The following ARHGAP6 variants were observed in gnomAD, a reference collection of about 807,000 sequenced individuals.
ARHGAP6 encodes rho GTPase-activating protein 6.
In ARHGAP6, 16 loss-of-function variants were observed where a neutral mutation model predicts 55.7. The ratio of observed to expected loss-of-function variants is 0.29; its 90% confidence interval spans 0.19 to 0.44. The LOEUF is 0.44. Among genes scored for constraint, ARHGAP6 ranks in the 20% least tolerant of loss-of-function variants. The probability of loss-of-function intolerance (pLI) is 1.00; values close to 1 mark genes in which losing one functional copy is unlikely to be tolerated. For missense variants in ARHGAP6, 698 were observed against 808.9 expected, an observed-to-expected ratio of 0.86 and a Z score of 1.66; for synonymous variants, 382 against 360.9, an observed-to-expected ratio of 1.06 and a Z score of -0.66.
intron 1 of ARHGAP6, among the ~76,000 whole-genome samples, chrX:11,395,103 A>G (rs146807990): frequency 9.8e-5 from 11 of 112,017 alleles, no homozygotes; most frequent in African/African-American, 3.2e-4. Flanking sequence ...TTTATTCTGT[A>G]ACAGAAGTCC....
intron 1 of ARHGAP6, among the ~76,000 whole-genome samples, chrX:11,291,059 T>C (rs1820204209): frequency 8.9e-6 from 1 of 112,082 alleles, no homozygotes. Flanking sequence ...GAATACCTAC[T>C]ACAAAAAAAT....
chrX:11,454,828 G>T (rs2050181000), intron 1 of ARHGAP6, among the ~76,000 whole-genome samples: 1 of 112,615 alleles, frequency 8.9e-6, no homozygotes, highest in African/African-American at 3.2e-5. Context: ...GACATGTATG[G>T]TGTAAAATAT....
At chrX:11,304,914 G>C (rs766014027) in intron 1 of ARHGAP6, among the ~76,000 whole-genome samples, 1 of 104,571 alleles carries the variant, frequency 9.6e-6, no homozygotes, top group African/African-American at 3.5e-5. Context: ...AGCCTCCTGA[G>C]TAGCTGGGAC....
chrX:11,362,272 T>A (rs942947510), intron 1 of ARHGAP6, among the ~76,000 whole-genome samples: 2 of 111,492 alleles, frequency 1.8e-5, no homozygotes, highest in African/African-American at 3.3e-5. Context: ...CCAACAAGGA[T>A]AGACTGGATT....
chrX:11,166,844 G>A (rs1394919965), intron 9 of ARHGAP6, among the ~76,000 whole-genome samples: 5 of 111,617 alleles, frequency 4.5e-5, no homozygotes, highest in South Asian at 3.8e-4. Context: ...GGGACAGGAC[G>A]ATAGTAAATT....
At chrX:11,187,187 C>CA (rs2067585362) in intron 4 of ARHGAP6, among the ~76,000 whole-genome samples, 1 of 111,511 alleles carries the variant, frequency 9.0e-6, no homozygotes, top group Non-Finnish European at 1.9e-5. Flanking sequence ...TAAGTACTTA[C>CA]AGCCTGCCAT....
At chrX:11,254,733 A>AG (rs1480257571) in intron 1 of ARHGAP6, 26 bp from the exon 2 acceptor site, 3 of 1,135,751 alleles carry the variant, frequency 2.6e-6, no homozygotes, top group Non-Finnish European at 3.5e-6. Context: ...AAAAAAAAAA[A>AG]AAAAATCAAG....
chrX:11,602,546 A>G (rs1327040612), intron 1 of ARHGAP6, among the ~76,000 whole-genome samples: 1 of 112,846 alleles, frequency 8.9e-6, no homozygotes, highest in East Asian at 2.8e-4. Flanking sequence ...TCAGGAAGAA[A>G]TAACTGATTG....
chrX:11,138,769 A>C lies in ARHGAP6; in HGVS notation c.*94T>G. The C allele has an allele frequency of 2.1e-6, 2 of 944,230 alleles. No individual in the cohort carries two copies. Among genetic ancestry groups the C allele is most frequent in the Non-Finnish European group, 2.9e-6 (2 of 695,137 alleles). The allele number at this position is 944,230 out of a possible 1,213,427, so 77.8% of individuals were successfully genotyped here. A position where few individuals can be genotyped will look rare whatever the true frequency, so the allele number is the denominator to read the frequency against. On this transcript the variant is annotated 3_prime_UTR_variant, in exon 13 of 13. Transcript: ENST00000337414. ...TGTCACTTTTGAGAAGTGTGAAAGA[A>C]GAACACTAAGTGTGCCAGTGGCCAC...
intron 2 of ARHGAP6, among the ~76,000 whole-genome samples, chrX:11,217,965 G>A (rs1380543474): frequency 1.8e-5 from 2 of 111,703 alleles, no homozygotes; most frequent in Admixed American, 9.5e-5. Flanking sequence ...TTTATTAAAT[G>A]GGGAATCTTT....
At chrX:11,190,467 A>ATTTT (rs1449750507) in intron 3 of ARHGAP6, among the ~76,000 whole-genome samples, 24 of 100,851 alleles carry the variant, frequency 2.4e-4, no homozygotes, top group African/African-American at 8.1e-4. Flanking sequence ...GGAGATATAT[A>ATTTT]TATATATATA....
In ARHGAP6 at chrX:11,144,155, G is replaced by A. The variant is rs779128746; in HGVS notation, c.2001C>T (p.Ser667=). 9 of 1,212,136 alleles carry A rather than the reference G, an allele frequency of 7.4e-6. No individual in the cohort carries two copies. The South Asian group carries it at 1.6e-4, about 21-fold the overall frequency. The change falls in exon 11 of 13, where the codon TCC becomes TCT. Residue 667 remains serine (S), a synonymous_variant. Coordinates refer to ENST00000337414, the MANE Select transcript of ARHGAP6 (RefSeq NM_013427.3). ...GCACTGGGGAGTTGTTGTCATAAGGGGAGATGTCTCCGCTGGAGGCCTTGT... is the reference window on the plus strand; with the variant it reads ...GCACTGGGGAGTTGTTGTCATAAGGAGAGATGTCTCCGCTGGAGGCCTTGT... ...DSNKASSGDI[S]PYDNNSPVLS...
At chrX:11,317,012 T>C (rs1394393864) in intron 1 of ARHGAP6, among the ~76,000 whole-genome samples, 1 of 112,586 alleles carries the variant, frequency 8.9e-6, no homozygotes, top group Admixed American at 9.4e-5. Context: ...AGCATGGACA[T>C]GCCACATGCA....
rs755077033 is a variant in ARHGAP6 at position 11,265,748 on chromosome X, G to A, written c.589-11041C>T. The A allele has an allele frequency of 2.7e-4, 253 of 921,355 alleles. No homozygotes were observed. The South Asian group carries it at 4.3e-3, about 16-fold the overall frequency. 75.9% of individuals were successfully genotyped at this position (921,355 alleles called of 1,213,427 possible). ...CTAATCTAACTGAACTAAGCTTGCA[G>A]TAGGAAGTTGAGTCTGTTTTAAAAA... On this transcript the variant is annotated intron_variant, in intron 1 of 12. Coordinates refer to ENST00000337414, the MANE Select transcript of ARHGAP6 (RefSeq NM_013427.3).
chrX:11,653,615 G>T (rs1014812045), intron 1 of ARHGAP6, among the ~76,000 whole-genome samples: 18 of 112,123 alleles, frequency 1.6e-4, no homozygotes, highest in Non-Finnish European at 3.4e-4. Flanking sequence ...TACTTCCTAC[G>T]TGCTGGGCAC....
intron 1 of ARHGAP6, among the ~76,000 whole-genome samples, chrX:11,619,692 G>A (rs755523244): frequency 8.9e-6 from 1 of 112,135 alleles, no homozygotes; most frequent in East Asian, 2.8e-4. Flanking sequence ...CAACAGATGA[G>A]CATATCAGCC....
At chrX:11,197,049 A>G in intron 2 of ARHGAP6, 53 bp from the exon 3 acceptor site, 1 of 615,962 alleles carries the variant, frequency 1.6e-6, no homozygotes, top group Admixed American at 2.8e-5. Flanking sequence ...GTGATATTTT[A>G]CAGTATCGAT....
At chrX:11,517,518 T>A (rs966652812) in intron 1 of ARHGAP6, among the ~76,000 whole-genome samples, 11 of 111,736 alleles carry the variant, frequency 9.8e-5, no homozygotes, top group African/African-American at 3.6e-4. Context: ...TAGGTTCAAC[T>A]GTCATGTCTA....
intron 1 of ARHGAP6, among the ~76,000 whole-genome samples, chrX:11,626,601 A>C (rs1349979416): frequency 1.8e-5 from 2 of 111,938 alleles, no homozygotes; most frequent in African/African-American, 6.5e-5. Context: ...CAAATCTAAA[A>C]ATGAAAACAC....
Sources: allele counts gnomAD v4.1 joint callset (sites outside exome capture counted in the v4.1 genomes callset), GRCh38; gene constraint gnomAD v4.1.1; transcripts MANE v1.5; gene names NCBI Gene and HGNC (gene_info 2026-07-23, HGNC 2026-07-21).